IGSF21: variants seen among roughly 807,000 people sequenced by gnomAD.
IGSF21 encodes immunoglobulin superfamily member 21.
Under a neutral mutation model 46.8 loss-of-function variants are expected in IGSF21, and 28 were observed. That is an observed-to-expected ratio of 0.60 (90% CI 0.44 to 0.82). The LOEUF (loss-of-function observed/expected upper bound fraction) is 0.82. IGSF21 is among the 40% of genes least tolerant of loss of function. The pLI is 0.00. For missense variants in IGSF21, 624 were observed against 665.5 expected, an observed-to-expected ratio of 0.94 and a Z score of 0.69; for synonymous variants, 284 against 273.6, an observed-to-expected ratio of 1.04 and a Z score of -0.38.
At chr1:18,204,194 C>G (rs1425043373) in intron 1 of IGSF21, among the ~76,000 whole-genome samples, 1 of 152,174 alleles carries the variant, frequency 6.6e-6, no homozygotes, top group Non-Finnish European at 1.5e-5. Flanking sequence ...GACCCCATAA[C>G]ATAGGTACTG....
At chr1:18,308,551 GCCCCA>G (rs1277869970) in intron 3 of IGSF21, among the ~76,000 whole-genome samples, 1 of 152,198 alleles carries the variant, frequency 6.6e-6, no homozygotes, top group Non-Finnish European at 1.5e-5. Context: ...GGCAGCTCAT[GCCCCA>G]TGTCCCATTT....
chr1:18,221,762 G>T (rs1490457984), intron 1 of IGSF21, among the ~76,000 whole-genome samples: 1 of 152,122 alleles, frequency 6.6e-6, no homozygotes, highest in African/African-American at 2.4e-5. Flanking sequence ...CTGATTGGTG[G>T]CAAATTTAAT....
chr1:18,356,110 C>T (rs149375503), intron 4 of IGSF21, among the ~76,000 whole-genome samples: 26 of 152,312 alleles, frequency 1.7e-4, no homozygotes, highest in Non-Finnish European at 3.1e-4. Flanking sequence ...CCTGGGATTA[C>T]GGGCATCAGC....
intron 6 of IGSF21, among the ~76,000 whole-genome samples, chr1:18,374,504 G>A (rs1054609955): frequency 2.0e-5 from 3 of 152,022 alleles, no homozygotes; most frequent in African/African-American, 4.8e-5. Flanking sequence ...AACTCAGCTC[G>A]CAGGTATCCC....
At chr1:18,237,799 A>G (rs368977987) in intron 2 of IGSF21, among the ~76,000 whole-genome samples, 21 of 152,240 alleles carry the variant, frequency 1.4e-4, no homozygotes, top group African/African-American at 5.1e-4. Context: ...TAGCCTTTCA[A>G]TCTGGAACTG....
chr1:18,203,025 G>A (rs1468316512), intron 1 of IGSF21, among the ~76,000 whole-genome samples: 1 of 152,158 alleles, frequency 6.6e-6, no homozygotes, highest in Non-Finnish European at 1.5e-5. Flanking sequence ...GAGTGGCCAG[G>A]CTGCATCAGG....
chr1:18,238,690 G>C (rs1170789189), intron 2 of IGSF21, among the ~76,000 whole-genome samples: 2 of 152,114 alleles, frequency 1.3e-5, no homozygotes, highest in Admixed American at 6.5e-5. Flanking sequence ...CACATGCAGA[G>C]TCCACCAGTG....
chr1:18,285,960 G>C (rs760813530), intron 2 of IGSF21, among the ~76,000 whole-genome samples: 1 of 152,090 alleles, frequency 6.6e-6, no homozygotes, highest in Non-Finnish European at 1.5e-5. Flanking sequence ...TCACTCTTAC[G>C]CACTGAATTC....
At chr1:18,187,083 T>A (rs1234297865) in intron 1 of IGSF21, among the ~76,000 whole-genome samples, 5 of 152,148 alleles carry the variant, frequency 3.3e-5, no homozygotes, top group East Asian at 1.9e-4. Flanking sequence ...ATAGATTATT[T>A]TTTTTTTTCT....
At chr1:18,373,490 G>A (rs1233111997) in intron 6 of IGSF21, among the ~76,000 whole-genome samples, 1 of 152,192 alleles carries the variant, frequency 6.6e-6, no homozygotes, top group Non-Finnish European at 1.5e-5. Context: ...TCTCAACACA[G>A]CAGTAAAAGA....
At chr1:18,250,098 GCTCC>G (rs781326742) in intron 2 of IGSF21, among the ~76,000 whole-genome samples, 3,210 of 59,804 alleles carry the variant, frequency 0.054, 130 homozygotes, top group African/African-American at 0.086. Context: ...TCCCTCCCTC[GCTCC>G]CTCCCTCCCT....
At chr1:18,241,546 C>T (rs1319068787) in intron 2 of IGSF21, among the ~76,000 whole-genome samples, 2 of 152,162 alleles carry the variant, frequency 1.3e-5, no homozygotes, top group Non-Finnish European at 2.9e-5. Context: ...CTGTTAGGTC[C>T]CATTGAAGGC....
intron 1 of IGSF21, among the ~76,000 whole-genome samples, chr1:18,133,749 A>C (rs983425973): frequency 6.6e-6 from 1 of 152,134 alleles, no homozygotes; most frequent in South Asian, 2.1e-4. Context: ...ATCCTTCACT[A>C]TTGGACAACT....
At chr1:18,143,016 C>G (rs2086432289) in intron 1 of IGSF21, among the ~76,000 whole-genome samples, 1 of 152,188 alleles carries the variant, frequency 6.6e-6, no homozygotes, top group African/African-American at 2.4e-5. Flanking sequence ...TGGGGGACCC[C>G]AGGATGCCCA....
chr1:18,164,977 A>T (rs533940503), intron 1 of IGSF21, among the ~76,000 whole-genome samples: 2 of 145,610 alleles, frequency 1.4e-5, no homozygotes, highest in Non-Finnish European at 3.0e-5. Flanking sequence ...GAGTGAGAAC[A>T]TGCGGTGTTT....
intron 1 of IGSF21, among the ~76,000 whole-genome samples, chr1:18,174,132 GAATC>G (rs1224433330): frequency 6.6e-6 from 1 of 152,148 alleles, no homozygotes; most frequent in African/African-American, 2.4e-5. Context: ...GGCTTGCGGG[GAATC>G]ACACCGCAAA....
At chr1:18,245,287 C>A (rs2084774051) in intron 2 of IGSF21, among the ~76,000 whole-genome samples, 1 of 152,134 alleles carries the variant, frequency 6.6e-6, no homozygotes, top group South Asian at 2.1e-4. Context: ...CCTTAAAAAT[C>A]TATTGAAATA....
At chr1:18,179,240 A>G (rs981334830) in intron 1 of IGSF21, 1 of 152,170 alleles carries the variant, frequency 6.6e-6, no homozygotes, top group African/African-American at 2.4e-5. Context: ...ACGGCAACTC[A>G]ACAGGTGCTC....
intron 1 of IGSF21, among the ~76,000 whole-genome samples, chr1:18,121,562 T>A (rs1181990136): frequency 6.6e-6 from 1 of 152,172 alleles, no homozygotes; most frequent in African/African-American, 2.4e-5. Flanking sequence ...AGTGGCAATT[T>A]CTTCCCTGGC....
Sources: gnomAD v4.1 joint callset for allele counts (sites outside exome capture counted in the v4.1 genomes callset) on GRCh38, gnomAD v4.1.1 for gene constraint, MANE v1.5 for transcripts, NCBI Gene and HGNC (gene_info 2026-07-23, HGNC 2026-07-21) for gene names.